The following EPS15 variants were observed in gnomAD, a reference collection of about 807,000 sequenced individuals.
EPS15 encodes epidermal growth factor receptor substrate 15.
EPS15 carries 72 observed loss-of-function variants against 113.8 expected under a neutral mutation model. The observed-to-expected ratio is 0.63, with a 90% CI of 0.52 to 0.77. The LOEUF (loss-of-function observed/expected upper bound fraction) is 0.77, where lower values mean the gene tolerates loss of function less well. Ranked by LOEUF, EPS15 falls within the 30% of genes least tolerant of loss-of-function variation. The pLI is 0.00. For missense variants in EPS15, 1,048 were observed against 1,045.8 expected (o/e 1.00, Z -0.03); for synonymous variants, 344 against 363.4 (o/e 0.95, Z 0.61).
chr1:51,444,630 T>C (rs976521757), intron 11 of EPS15, among the ~76,000 whole-genome samples: 13 of 152,206 alleles, frequency 8.5e-5, no homozygotes, highest in Non-Finnish European at 1.6e-4. Flanking sequence ...AAAGGAAAAA[T>C]AAGCCCACAT....
chr1:51,495,918 T>A (rs1356611024), intron 1 of EPS15, among the ~76,000 whole-genome samples: 1 of 152,170 alleles, frequency 6.6e-6, no homozygotes, highest in Non-Finnish European at 1.5e-5. Flanking sequence ...GAGAAAAATA[T>A]AAGCTCTGCA....
At position 51,448,044 on chromosome 1, in the gene EPS15, A is replaced by C. The variant is rs374723605; in HGVS notation, c.651+2T>G. On this transcript the variant is annotated splice_donor_variant, in intron 9 of 24. Coordinates refer to ENST00000371733, the MANE Select transcript of EPS15 (RefSeq NM_001981.3). LOFTEE classifies it high-confidence loss of function. ...CAACCGCACAGAGCCTGATATACTG[A>C]CCGTTTTTCTCTTAGATGGTGGCAC... 6.2e-7 allele frequency: 1 copy of C among 1,613,440 alleles called. No homozygotes were observed. The highest frequency in any genetic ancestry group is 8.5e-7 in the Non-Finnish European group (1 of 1,179,620).
chr1:51,458,233 T>G (rs1344540466), intron 8 of EPS15: 2 of 152,888 alleles, frequency 1.3e-5, no homozygotes, highest in African/African-American at 4.8e-5. Flanking sequence ...TGTCTACTAT[T>G]TAAAACAAAA....
intron 21 of EPS15, among the ~76,000 whole-genome samples, chr1:51,371,879 T>G (rs1418813853): frequency 1.3e-5 from 2 of 152,206 alleles, no homozygotes; most frequent in Non-Finnish European, 2.9e-5. Context: ...GATGTACCAT[T>G]TCTATTTTCT....
chr1:51,468,293 T>C (rs1050127631), intron 5 of EPS15, among the ~76,000 whole-genome samples, 180 bp downstream of exon 5: 6 of 151,988 alleles, frequency 3.9e-5, no homozygotes, highest in African/African-American at 1.4e-4. Context: ...ATAATCACTC[T>C]GGAAGGATAC....
intron 2 of EPS15, among the ~76,000 whole-genome samples, chr1:51,475,573 A>T (rs1405963986): frequency 2.0e-5 from 3 of 152,080 alleles, no homozygotes; most frequent in Non-Finnish European, 4.4e-5. Flanking sequence ...TAGATTCTGG[A>T]TATTAGCCCT....
At chr1:51,481,205 G>C in intron 2 of EPS15, 68 bp downstream of exon 2, 3 of 811,004 alleles carry the variant, frequency 3.7e-6, no homozygotes, top group Non-Finnish European at 4.4e-6. Context: ...TAATCTACAG[G>C]CATACAATCA....
At chr1:51,508,860 A>G (rs1451941494) in intron 1 of EPS15, among the ~76,000 whole-genome samples, 3 of 152,194 alleles carry the variant, frequency 2.0e-5, no homozygotes, top group Non-Finnish European at 4.4e-5. Context: ...CCAAAATACA[A>G]TTTAACTTGA....
At chr1:51,483,541 CATG>C (rs1428750725) in intron 1 of EPS15, among the ~76,000 whole-genome samples, 7 of 151,852 alleles carry the variant, frequency 4.6e-5, no homozygotes, top group Non-Finnish European at 8.8e-5. Context: ...GGCACGGTGG[CATG>C]TGCCTGTAAT....
At chr1:51,441,734 A>G (rs542325531) in intron 11 of EPS15, among the ~76,000 whole-genome samples, 2 of 152,266 alleles carry the variant, frequency 1.3e-5, no homozygotes, top group African/African-American at 4.8e-5. Context: ...AGATATTGTT[A>G]TTAACCCCAT....
intron 10 of EPS15, among the ~76,000 whole-genome samples, chr1:51,445,384 T>C (rs752883080): frequency 1.3e-5 from 2 of 152,170 alleles, no homozygotes; most frequent in Non-Finnish European, 2.9e-5. Flanking sequence ...CATTAAAAGA[T>C]ATTAAAGATA....
At chr1:51,434,853 G>A (rs906912948) in intron 12 of EPS15, among the ~76,000 whole-genome samples, 3 of 151,914 alleles carry the variant, frequency 2.0e-5, no homozygotes, top group African/African-American at 7.3e-5. Context: ...TGTATTTTTA[G>A]TAGAGACGGA....
intron 1 of EPS15, among the ~76,000 whole-genome samples, chr1:51,487,431 GA>G (rs918298119): frequency 1.3e-5 from 2 of 152,032 alleles, no homozygotes; most frequent in African/African-American, 4.8e-5. Flanking sequence ...TTTAATGGTT[GA>G]AAAAAGTAAA....
In EPS15 at chr1:51,355,794, A is replaced by G. The variant is rs998864439; in HGVS notation, c.*906T>C. The G allele has an allele frequency of 1.1e-4, 21 of 197,034 alleles. No individual in the cohort carries two copies. The East Asian group carries it at 1.7e-3, about 16-fold the overall frequency. The allele number at this position is 197,034 out of a possible 1,614,324, so 12.2% of individuals were successfully genotyped here. Reference sequence around the variant, plus strand: ...GCTGAAGTTTCTTCTGCAAAAGTACAAAAATTAACCCACTAAGAACTAAAC... The same window carrying G: ...GCTGAAGTTTCTTCTGCAAAAGTACGAAAATTAACCCACTAAGAACTAAAC... On this transcript the variant is annotated 3_prime_UTR_variant, in exon 25 of 25. Transcript: ENST00000371733.
At chr1:51,482,101 T>C (rs1644031122) in intron 1 of EPS15, among the ~76,000 whole-genome samples, 1 of 152,120 alleles carries the variant, frequency 6.6e-6, no homozygotes, top group Non-Finnish European at 1.5e-5. Context: ...GCCCAGGCAG[T>C]TGTGGCTGCG....
intron 2 of EPS15, among the ~76,000 whole-genome samples, chr1:51,479,539 TG>T (rs1190762639): frequency 2.6e-5 from 4 of 152,030 alleles, no homozygotes; most frequent in African/African-American, 9.7e-5. Context: ...AGAGGTGCTC[TG>T]ATTTTTAGAA....
At chr1:51,409,908 T>C (rs1450429281) in intron 13 of EPS15, among the ~76,000 whole-genome samples, 1 of 152,082 alleles carries the variant, frequency 6.6e-6, no homozygotes, top group Non-Finnish European at 1.5e-5. Context: ...AACTCAAATC[T>C]GTCCTTGGAC....
intron 21 of EPS15, among the ~76,000 whole-genome samples, chr1:51,367,836 A>G (rs998213150): frequency 2.0e-5 from 3 of 152,228 alleles, no homozygotes; most frequent in African/African-American, 7.2e-5. Flanking sequence ...AGAGGCACAG[A>G]AAAGTTCTCC....
In EPS15 at chr1:51,356,252, A is replaced by G. The variant is rs140695546; in HGVS notation, c.*448T>C. ...GCACCAATCATAAAAGAAATAAGAT[A>G]TTCTTTCCCTTACCCTCACTCAACC... On this transcript the variant is annotated 3_prime_UTR_variant, in exon 25 of 25. Transcript: ENST00000371733. 1.4e-5 allele frequency: 3 copies of G among 221,328 alleles called. No homozygotes were observed. The East Asian group carries it at 2.0e-4, about 15-fold the overall frequency. 13.7% of individuals were successfully genotyped at this position (221,328 alleles called of 1,614,324 possible). A position where few individuals can be genotyped will look rare whatever the true frequency, so the allele number is the denominator to read the frequency against.
Sources: allele counts gnomAD v4.1 joint callset (sites outside exome capture counted in the v4.1 genomes callset), GRCh38; gene constraint gnomAD v4.1.1; transcripts MANE v1.5; gene names NCBI Gene and HGNC (gene_info 2026-07-23, HGNC 2026-07-21).